The following ERCC6 variants were observed in gnomAD, a reference collection of about 807,000 sequenced individuals.
The protein encoded by ERCC6 is ERCC excision repair 6, chromatin remodeling factor.
ERCC6 carries 116 observed loss-of-function variants against 158.7 expected under a neutral mutation model. The ratio of observed to expected loss-of-function variants is 0.73; its 90% CI spans 0.63 to 0.85. The LOEUF (loss-of-function observed/expected upper bound fraction) is 0.85, where lower values mean the gene tolerates loss of function less well. Ranked by LOEUF, ERCC6 falls within the 40% of genes least tolerant of loss-of-function variation. The probability of loss-of-function intolerance (pLI) is 0.00; values close to 1 mark genes in which losing one functional copy is unlikely to be tolerated. For missense variants in ERCC6, 1,698 were observed against 1,799.4 expected (o/e 0.94, Z 1.02); for synonymous variants, 678 against 659.3 (o/e 1.03, Z -0.43).
At position 49,472,461 on chromosome 10, in the gene ERCC6, G is replaced by A. The variant is rs906755254; in HGVS notation, c.2839C>T (p.Arg947Ter). 1.4e-5 allele frequency: 23 copies of A among 1,613,768 alleles called. No individual in the cohort carries two copies. In the African/African-American group the frequency reaches 1.6e-4, roughly 11 times the overall value. Reference protein sequence around the residue: ...NPSTDTQARERAWRIGQKKQV... With the variant: ...NPSTDTQARE ...TTCTTCTGGCCTATTCTCCATGCTC[G>A]CTCCCGGGCCTGCAACAGAGAGAGA... The change falls in exon 16 of 21, where the codon CGA (arginine) becomes TGA (stop). Residue 947 changes from arginine to a stop codon, truncating the protein, a stop_gained. Transcript: ENST00000355832. LOFTEE classifies it high-confidence loss of function.
chr10:49,440,484 C>G, the ERCC6 span, among the ~76,000 whole-genome samples: 1 of 152,132 alleles, frequency 6.6e-6, no homozygotes, highest in Non-Finnish European at 1.5e-5. Context: ...GGTGGGGGCA[C>G]AGCCACACCA....
At chr10:49,521,480 T>A (rs1213060842) in intron 5 of ERCC6, among the ~76,000 whole-genome samples, 1 of 152,188 alleles carries the variant, frequency 6.6e-6, no homozygotes, top group African/African-American at 2.4e-5. Context: ...AAGAAAGCAC[T>A]AGACCTCACA....
In ERCC6 at chr10:49,524,788, A is replaced by G. The variant is rs750016520; in HGVS notation, c.653-11T>C. 1.2e-6 allele frequency: 2 copies of G among 1,600,036 alleles called. No homozygotes were observed. The highest frequency in any genetic ancestry group is 1.7e-6 in the Non-Finnish European group (2 of 1,179,922). Reference sequence around the variant, plus strand: ...TGGATGGCCCCGGCTCTGAAAGAACAATAGCAATGCGTTTCGCACTAGCAT... The same window carrying G: ...TGGATGGCCCCGGCTCTGAAAGAACGATAGCAATGCGTTTCGCACTAGCAT... On this transcript the variant is annotated splice_polypyrimidine_tract_variant and intron_variant, in intron 4 of 20. Coordinates refer to ENST00000355832, the MANE Select transcript of ERCC6 (RefSeq NM_000124.4).
chr10:49,529,649 T>C (rs1419202634), intron 3 of ERCC6, among the ~76,000 whole-genome samples: 2 of 152,058 alleles, frequency 1.3e-5, no homozygotes, highest in Non-Finnish European at 2.9e-5. Context: ...GAAAGTATAA[T>C]AAAAGGAGGG....
rs1286618574 is a variant in ERCC6 at position 49,458,639 on chromosome 10, T to C, written c.*176A>G. On this transcript the variant is annotated 3_prime_UTR_variant, in exon 21 of 21. Transcript: ENST00000355832. ...CCTTTAGCTAGCATTATTAAAACTT[T>C]TAACTTTCAGAGAAGAGTTTCTTCT... 3.0e-6 allele frequency: 2 copies of C among 673,932 alleles called. No homozygotes were observed. The highest frequency in any genetic ancestry group is 2.5e-6 in the Non-Finnish European group (1 of 404,228). The allele number at this position is 673,932 out of a possible 1,614,324, so 41.7% of individuals were successfully genotyped here.
the ERCC6 span, among the ~76,000 whole-genome samples, chr10:49,438,942 T>C: frequency 3.3e-5 from 5 of 152,198 alleles, no homozygotes; most frequent in Non-Finnish European, 5.9e-5. Flanking sequence ...ATGTAAAAAG[T>C]AGGTTCCCAT....
the ERCC6 span, among the ~76,000 whole-genome samples, chr10:49,440,481 G>A: frequency 1.3e-4 from 20 of 152,242 alleles, no homozygotes; most frequent in Admixed American, 1.0e-3. Context: ...TTGGGTGGGG[G>A]CACAGCCACA....
At chr10:49,528,234 C>T (rs1837385838) in intron 4 of ERCC6, among the ~76,000 whole-genome samples, 183 bp downstream of exon 4, 1 of 152,202 alleles carries the variant, frequency 6.6e-6, no homozygotes. Flanking sequence ...CTTTAATTCT[C>T]TTTGAGAGGG....
chr10:49,525,441 ACAG>A (rs1385825086), intron 4 of ERCC6, among the ~76,000 whole-genome samples: 2 of 152,222 alleles, frequency 1.3e-5, no homozygotes, highest in African/African-American at 4.8e-5. Flanking sequence ...GGTCTATTGG[ACAG>A]CAGCACTGTG....
chr10:49,498,737 C>T (rs1350316766), intron 7 of ERCC6, among the ~76,000 whole-genome samples: 1 of 152,160 alleles, frequency 6.6e-6, no homozygotes, highest in East Asian at 1.9e-4. Flanking sequence ...ATTGTCACCA[C>T]CCAAGAGAGC....
chr10:49,475,896 G>A (rs986069806), intron 12 of ERCC6, among the ~76,000 whole-genome samples: 14 of 152,168 alleles, frequency 9.2e-5, no homozygotes, highest in African/African-American at 3.4e-4. Flanking sequence ...ATGCAGCTAT[G>A]TACCTGACAC....
intron 5 of ERCC6, among the ~76,000 whole-genome samples, chr10:49,519,198 T>C (rs752592129): frequency 2.6e-5 from 4 of 152,264 alleles, no homozygotes; most frequent in Non-Finnish European, 5.9e-5. Flanking sequence ...TGGTCATACC[T>C]AAATATTGCA....
chr10:49,538,437 CAAG>C (rs1394307302), intron 1 of ERCC6, among the ~76,000 whole-genome samples: 4 of 152,264 alleles, frequency 2.6e-5, no homozygotes, highest in South Asian at 2.1e-4. Context: ...GACAAAGCAA[CAAG>C]AAGATGATGG....
At position 49,530,841 on chromosome 10, in the gene ERCC6, C is replaced by T. The variant is rs1364973121; in HGVS notation, c.423-1G>A. 1.2e-6 allele frequency: 2 copies of T among 1,612,896 alleles called. No homozygotes were observed. Among genetic ancestry groups the T allele is most frequent in the Admixed American group, 1.7e-5 (1 of 59,998 alleles). On this transcript the variant is annotated splice_acceptor_variant, in intron 2 of 20. Transcript: ENST00000355832. LOFTEE classifies it high-confidence loss of function. The stretch of plus-strand genomic sequence containing the variant: ...TTGCCTTAGGGATGTCGTACATGAC[C>T]TGAAAAATAAGATAAATTGTCTATT...
At chr10:49,463,687 A>G (rs908607055) in intron 18 of ERCC6, among the ~76,000 whole-genome samples, 11 of 152,164 alleles carry the variant, frequency 7.2e-5, no homozygotes, top group Non-Finnish European at 1.5e-4. Context: ...GGAGGTGATT[A>G]ATTATGAAGA....
chr10:49,460,480 T>A, intron 19 of ERCC6, 29 bp from the exon 20 acceptor site: 1 of 1,483,190 alleles, frequency 6.7e-7, no homozygotes, highest in Non-Finnish European at 9.4e-7. Context: ...CACAGTAGAT[T>A]AAATGTTTGC....
chr10:49,488,639 T>C (rs1281218471), intron 8 of ERCC6, among the ~76,000 whole-genome samples: 2 of 141,638 alleles, frequency 1.4e-5, no homozygotes, highest in African/African-American at 2.5e-5. Flanking sequence ...ATGTGGCCTC[T>C]TTCTTTTTTT....
rs760289293 is a variant in ERCC6, at chr10:49,530,854, T to C, written c.423-14A>G. 13 of 1,612,350 alleles carry C rather than the reference T, an allele frequency of 8.1e-6. No individual in the cohort carries two copies. Among genetic ancestry groups the C allele is most frequent in the Middle Eastern group, 1.7e-4 (1 of 6,056 alleles). ...GTCGTACATGACCTGAAAAATAAGA[T>C]AAATTGTCTATTTTGCACTCTGATA... is the stretch of plus-strand genomic sequence containing the variant. On this transcript the variant is annotated splice_polypyrimidine_tract_variant and intron_variant, in intron 2 of 20. Transcript: ENST00000355832.
chr10:49,436,778 A>C, the ERCC6 span, among the ~76,000 whole-genome samples: 1 of 152,234 alleles, frequency 6.6e-6, no homozygotes, highest in Non-Finnish European at 1.5e-5. Context: ...GCATATATCA[A>C]AGTGTTAATA....
Sources: allele counts gnomAD v4.1 joint callset (sites outside exome capture counted in the v4.1 genomes callset), GRCh38; gene constraint gnomAD v4.1.1; transcripts MANE v1.5; gene names NCBI Gene and HGNC (gene_info 2026-07-23, HGNC 2026-07-21).